Variants in ADAMTS16 observed in about 807,000 individuals in gnomAD.
The protein encoded by ADAMTS16 is ADAM metallopeptidase with thrombospondin type 1 motif 16, also known as A disintegrin and metalloproteinase with thrombospondin motifs 16.
Under a neutral mutation model 145.8 loss-of-function variants are expected in ADAMTS16, and 94 were observed. The ratio of observed to expected loss-of-function variants is 0.64; its 90% CI spans 0.55 to 0.77. The LOEUF is 0.77. ADAMTS16 is among the 30% of genes least tolerant of loss of function. ADAMTS16 has a pLI of 0.00. For missense variants in ADAMTS16, 1,585 were observed against 1,591.5 expected (o/e 1.00, Z 0.07); for synonymous variants, 659 against 604.3 (o/e 1.09, Z -1.33).
rs374187055 is a variant in ADAMTS16, at chr5:5,320,013, G to A, written c.*875G>A. 1.1e-4 allele frequency: 50 copies of A among 440,174 alleles called. No homozygotes were observed. The highest frequency in any genetic ancestry group is 4.3e-4 in the African/African-American group (21 of 48,676). 27.3% of individuals were successfully genotyped at this position (440,174 alleles called of 1,614,324 possible). A position where few individuals can be genotyped will look rare whatever the true frequency, so the allele number is the denominator to read the frequency against. Reference sequence around the variant, plus strand: ...GAGTTATGGTTCTATTATAGCAGACGTCAGCCACACAGCCTATGTGACAAT... The same window carrying A: ...GAGTTATGGTTCTATTATAGCAGACATCAGCCACACAGCCTATGTGACAAT... On this transcript the variant is annotated 3_prime_UTR_variant, in exon 23 of 23. Coordinates refer to ENST00000274181, the MANE Select transcript of ADAMTS16 (RefSeq NM_139056.4). This position sits in a 1 kb window ranked among gnomAD's most constrained non-coding sequence, Gnocchi z 5.1.
At chr5:5,212,694 T>C (rs1736309738) in intron 10 of ADAMTS16, among the ~76,000 whole-genome samples, 1 of 152,216 alleles carries the variant, frequency 6.6e-6, no homozygotes, top group Non-Finnish European at 1.5e-5. Context: ...ATGTGTCTGC[T>C]GTAAACATCC....
At chr5:5,224,228 T>C (rs376926160) in intron 11 of ADAMTS16, among the ~76,000 whole-genome samples, 1 of 152,214 alleles carries the variant, frequency 6.6e-6, no homozygotes. Flanking sequence ...TGAATTCTAC[T>C]AGTGATCCAG....
At chr5:5,173,325 T>C (rs1735098879) in intron 3 of ADAMTS16, among the ~76,000 whole-genome samples, 1 of 152,092 alleles carries the variant, frequency 6.6e-6, no homozygotes, top group African/African-American at 2.4e-5. Flanking sequence ...TGCCGTTTTA[T>C]TTCTTTCCTT....
intron 9 of ADAMTS16, among the ~76,000 whole-genome samples, chr5:5,203,321 T>A (rs895821367): frequency 1.8e-4 from 28 of 152,336 alleles, no homozygotes; most frequent in African/African-American, 6.7e-4. Context: ...TTAATGAATC[T>A]GAGACTGTCT....
intron 18 of ADAMTS16, among the ~76,000 whole-genome samples, chr5:5,299,029 C>T (rs1739663800): frequency 6.6e-6 from 1 of 152,074 alleles, no homozygotes; most frequent in African/African-American, 2.4e-5. Flanking sequence ...CTCACGGCAT[C>T]CAGCACCCGC....
chr5:5,226,746 A>G lies in ADAMTS16; in HGVS notation c.1701+3862A>G, dbSNP rs570134833. On this transcript the variant is annotated intron_variant, in intron 11 of 22. Transcript: ENST00000274181. ...TCCACAGTGGTTGCATAAGGTGGTA[A>G]CATAGACTGATATTTATTTCATTTT... is the stretch of plus-strand genomic sequence containing the variant. 1.4e-4 allele frequency among the ~76,000 whole-genome samples: 21 copies of G among 152,330 alleles called. No individual in the cohort carries two copies. In the South Asian group the frequency reaches 4.1e-3, roughly 30 times the overall value.
At chr5:5,315,398 A>G (rs1378260124) in intron 21 of ADAMTS16, among the ~76,000 whole-genome samples, 1 of 152,122 alleles carries the variant, frequency 6.6e-6, no homozygotes, top group Non-Finnish European at 1.5e-5. Flanking sequence ...TGAATCAGTG[A>G]CAAAAATGAA....
rs1740401162 is a variant in ADAMTS16, at chr5:5,310,932, A to C, written c.3411+4204A>C. Among the ~76,000 whole-genome samples the C allele has an allele frequency of 6.6e-6, 1 of 152,128 alleles. No individual in the cohort carries two copies. The highest frequency in any genetic ancestry group is 2.1e-4 in the South Asian group (1 of 4,826). ...AGGCAAGTGCCTTCTTTCACTTTAT[A>C]TGCTGCAGAGCCCTAGCCCAGAGCC... On this transcript the variant is annotated intron_variant, in intron 21 of 22. Coordinates refer to ENST00000274181, the MANE Select transcript of ADAMTS16 (RefSeq NM_139056.4). This position sits in a 1 kb window ranked among gnomAD's most constrained non-coding sequence, Gnocchi z 4.3.
At chr5:5,211,468 A>T (rs989544679) in intron 10 of ADAMTS16, among the ~76,000 whole-genome samples, 1 of 151,900 alleles carries the variant, frequency 6.6e-6, no homozygotes, top group Non-Finnish European at 1.5e-5. Flanking sequence ...TCTAGTTAGG[A>T]GTTTATCATA....
At chr5:5,312,170 G>A (rs954622093) in intron 21 of ADAMTS16, among the ~76,000 whole-genome samples, 5 of 152,190 alleles carry the variant, frequency 3.3e-5, no homozygotes, top group South Asian at 2.1e-4. Context: ...CCAGCTCTGC[G>A]TGCTTTGCTG....
chr5:5,295,962 A>C (rs1341649949), intron 18 of ADAMTS16, among the ~76,000 whole-genome samples: 2 of 152,226 alleles, frequency 1.3e-5, no homozygotes, highest in Admixed American at 6.5e-5. Context: ...ATCTTGCCCT[A>C]AGGGTAGGAC....
intron 6 of ADAMTS16, among the ~76,000 whole-genome samples, chr5:5,189,078 A>G (rs1735587620): frequency 6.6e-6 from 1 of 152,242 alleles, no homozygotes; most frequent in Non-Finnish European, 1.5e-5. Flanking sequence ...TAAAAACAAC[A>G]TAAACATTTC....
intron 3 of ADAMTS16, among the ~76,000 whole-genome samples, chr5:5,165,535 CT>C (rs1734851586): frequency 5.9e-5 from 9 of 152,162 alleles, no homozygotes; most frequent in Non-Finnish European, 1.2e-4. Flanking sequence ...AAGAGAAGAA[CT>C]ATTAATATTG....
rs553830210 is a variant in ADAMTS16 at position 5,299,728 on chromosome 5, CAGTGGGGACTGCGTCTCCAG to C, written c.2790-3536_2790-3517del. Among the ~76,000 whole-genome samples, 651 of 152,236 alleles carry C rather than the reference CAGTGGGGACTGCGTCTCCAG, an allele frequency of 4.3e-3. 6 individuals carry two copies. Among genetic ancestry groups the C allele is most frequent in the African/African-American group, 0.014 (569 of 41,532 alleles). ...CTTGGGCAGTGGAGGTCCTGAGGGC[CAGTGGGGACTGCGTCTCCAG>C]AGTCCCGCAGTGGAAACTGACTGAT... On this transcript the variant is annotated intron_variant, in intron 18 of 22. Transcript: ENST00000274181.
At position 5,232,443 on chromosome 5, in the gene ADAMTS16, T is replaced by G; in HGVS notation, c.1777T>G (p.Ser593Ala). 6.2e-7 allele frequency: 1 copy of G among 1,614,022 alleles called. No individual in the cohort carries two copies. The highest frequency in any genetic ancestry group is 8.5e-7 in the Non-Finnish European group (1 of 1,179,998). Residue 593 changes from serine (S) to alanine (A), a missense_variant, in exon 12 of 23, where the codon TCT (serine) becomes GCT (alanine). By Grantham distance (99) the Ser-to-Ala change is moderately conservative. This residue lies in a region of ADAMTS16 where 298 missense variants were observed against 367.6 expected (regional missense o/e 0.81). Coordinates refer to ENST00000274181, the MANE Select transcript of ADAMTS16 (RefSeq NM_139056.4). ...KPTHGHWSDW[S>A]SWSPCSRTCG... Reference sequence around the variant, plus strand: ...CACCCATGGCCACTGGTCGGACTGGTCTTCTTGGTCCCCATGCTCCAGGAC... The same window carrying G: ...CACCCATGGCCACTGGTCGGACTGGGCTTCTTGGTCCCCATGCTCCAGGAC...
At chr5:5,291,319 G>A (rs1015603814) in intron 18 of ADAMTS16, among the ~76,000 whole-genome samples, 19 of 152,086 alleles carry the variant, frequency 1.2e-4, no homozygotes, top group African/African-American at 2.4e-5. Context: ...CACAGGCTGA[G>A]GGACTGAATG....
chr5:5,293,146 C>T (rs1032728073), intron 18 of ADAMTS16, among the ~76,000 whole-genome samples: 1 of 152,158 alleles, frequency 6.6e-6, no homozygotes, highest in Non-Finnish European at 1.5e-5. Context: ...GATGGTGTCA[C>T]GGTTTTCTAG....
In ADAMTS16 at chr5:5,310,188, C is replaced by T. The variant is rs781096596; in HGVS notation, c.3411+3460C>T. ...GTCAGATGGAACCATTTGTCCCTGACGATGACCAGCTCTCCCCAAGCCTGT... is the reference window on the plus strand; with the variant it reads ...GTCAGATGGAACCATTTGTCCCTGATGATGACCAGCTCTCCCCAAGCCTGT... On this transcript the variant is annotated intron_variant, in intron 21 of 22. Coordinates refer to ENST00000274181, the MANE Select transcript of ADAMTS16 (RefSeq NM_139056.4). The surrounding 1 kb of genome is among the most constrained non-coding windows in gnomAD (Gnocchi z 4.3). Among the ~76,000 whole-genome samples, 34 of 152,044 alleles carry T rather than the reference C, an allele frequency of 2.2e-4. No homozygotes were observed. Among genetic ancestry groups the T allele is most frequent in the African/African-American group, 5.1e-4 (21 of 41,386 alleles).
At chr5:5,235,302 G>A (rs1374773708) in intron 13 of ADAMTS16, 116 bp downstream of exon 13, 2 of 1,130,286 alleles carry the variant, frequency 1.8e-6, no homozygotes, top group Non-Finnish European at 2.3e-6. Context: ...TCTGGGAGGT[G>A]AGGGTCGCAT....
Sources: allele counts gnomAD v4.1 joint callset (sites outside exome capture counted in the v4.1 genomes callset), GRCh38; gene constraint gnomAD v4.1.1; regional missense constraint gnomAD v4.1.1; non-coding constraint Gnocchi (gnomAD v3.1); transcripts MANE v1.5; gene names NCBI Gene and HGNC (gene_info 2026-07-23, HGNC 2026-07-21).